The following SEPTIN4 variants were observed in gnomAD, a reference collection of about 807,000 sequenced individuals.
The protein encoded by SEPTIN4 is septin 4, also known as septin-4.
In SEPTIN4, 52 loss-of-function variants were observed where a neutral mutation model predicts 107.1. The observed-to-expected ratio is 0.49, with a 90% confidence interval of 0.39 to 0.61. The LOEUF is 0.61. SEPTIN4 is among the 20% of genes least tolerant of loss of function. The pLI is 0.00. For missense variants in SEPTIN4, 1,048 were observed against 1,243.5 expected (o/e 0.84, Z 2.36); for synonymous variants, 417 against 467.0 (o/e 0.89, Z 1.38).
rs1349169532 is a variant in SEPTIN4 at position 58,542,635 on chromosome 17, A to C, written c.1552T>G (p.Phe518Val). ...CTGCTTCTTCACATACCCAGGAAGAAAGCAGTAAACCTTTGAATGGGTTGT... is the reference window on the plus strand; with the variant it reads ...CTGCTTCTTCACATACCCAGGAAGACAGCAGTAAACCTTTGAATGGGTTGT... ...CKQPIQRFTA[F>V]FLDVSEEMYN... The change falls in exon 1 of 14, where the codon TTC (phenylalanine) becomes GTC (valine). Residue 518 changes from phenylalanine (F) to valine (V), a missense_variant. Phe to Val is a conservative substitution (Grantham distance 50, BLOSUM62 -1). Coordinates refer to ENST00000672673, the MANE Select transcript of SEPTIN4 (RefSeq NM_001368771.2). 4 of 1,610,068 alleles carry C rather than the reference A, an allele frequency of 2.5e-6. No individual in the cohort carries two copies. The East Asian group carries it at 8.9e-5, about 36-fold the overall frequency.
chr17:58,537,951 G>A (rs1000191272), intron 3 of SEPTIN4, among the ~76,000 whole-genome samples: 9 of 151,848 alleles, frequency 5.9e-5, no homozygotes, highest in South Asian at 4.1e-4. Context: ...GAGAAATGCC[G>A]GGTGCAGTGG....
intron 7 of SEPTIN4, 173 bp downstream of exon 7, chr17:58,524,905 T>C (rs2042679404): frequency 1.3e-6 from 1 of 763,280 alleles, no homozygotes; most frequent in Non-Finnish European, 2.2e-6. Flanking sequence ...ATTCCAATCC[T>C]TTCCCTCTTA....
At chr17:58,531,827 G>T in intron 3 of SEPTIN4, 1 of 849,368 alleles carries the variant, frequency 1.2e-6, no homozygotes, top group Non-Finnish European at 1.5e-6. Flanking sequence ...CTGTGCCCGG[G>T]GCCGGCGACG....
At chr17:58,534,468 C>A (rs1371005715) in intron 3 of SEPTIN4, among the ~76,000 whole-genome samples, 1 of 152,242 alleles carries the variant, frequency 6.6e-6, no homozygotes, top group Non-Finnish European at 1.5e-5. Context: ...GGGTCTAATA[C>A]CTGCAGGGCC....
intron 3 of SEPTIN4, among the ~76,000 whole-genome samples, chr17:58,535,743 C>G (rs4793953): frequency 0.85 from 129,778 of 152,250 alleles, 55,713 homozygotes; most frequent in East Asian, 1. Flanking sequence ...AGGGCAGGGA[C>G]TATGTCTTTT....
intron 3 of SEPTIN4, among the ~76,000 whole-genome samples, chr17:58,535,554 A>G (rs1279950842): frequency 6.6e-6 from 1 of 152,174 alleles, no homozygotes; most frequent in Non-Finnish European, 1.5e-5. Context: ...CAAGTTACCA[A>G]AGTCTTCACT....
chr17:58,527,307 CT>C (rs775554521), intron 3 of SEPTIN4: 6 of 489,156 alleles, frequency 1.2e-5, no homozygotes, highest in Non-Finnish European at 2.3e-5. Context: ...TTGAGGCTGC[CT>C]TTCCTGGGGT....
intron 2 of SEPTIN4, among the ~76,000 whole-genome samples, chr17:58,541,137 G>C (rs2043865999): frequency 6.6e-6 from 1 of 152,182 alleles, no homozygotes; most frequent in African/African-American, 2.4e-5. Context: ...ACCATCACTA[G>C]GAGGGTTCAT....
At chr17:58,524,845 C>A in intron 7 of SEPTIN4, 1 of 510,770 alleles carries the variant, frequency 2.0e-6, no homozygotes, top group African/African-American at 1.9e-5. Context: ...ATGTCCCTAC[C>A]CCATTATAGA....
Position 58,525,190 on chromosome 17 carries a change from G to T in SEPTIN4, c.2104C>A (p.Gln702Lys), listed in dbSNP as rs759476819. ...KLLGAEERIM[Q>K]TVEITKHAVD... Reference sequence around the variant, plus strand: ...GCATGCTTAGTGATCTCCACAGTTTGCATGATCCTCTCTGGAGAAAGGGGA... The same window carrying T: ...GCATGCTTAGTGATCTCCACAGTTTTCATGATCCTCTCTGGAGAAAGGGGA... The change falls in exon 7 of 14, where the codon CAA becomes AAA. Residue 702 changes from glutamine (Q) to lysine (K), a missense_variant. Physicochemically the swap from Gln to Lys is moderately conservative, Grantham distance 53. Coordinates refer to ENST00000672673, the MANE Select transcript of SEPTIN4 (RefSeq NM_001368771.2). The T allele has an allele frequency of 7.4e-6, 12 of 1,613,952 alleles. No homozygotes were observed. Among genetic ancestry groups the T allele is most frequent in the Non-Finnish European group, 8.5e-6 (10 of 1,179,996 alleles).
intron 3 of SEPTIN4, chr17:58,529,890 A>G (rs1213993830): frequency 6.6e-6 from 1 of 151,462 alleles, no homozygotes; most frequent in African/African-American, 2.4e-5. Context: ...CACAGAGAAG[A>G]CTTTGCTCCA....
At chr17:58,533,253 G>A (rs2043587048) in intron 3 of SEPTIN4, among the ~76,000 whole-genome samples, 1 of 152,186 alleles carries the variant, frequency 6.6e-6, no homozygotes, top group African/African-American at 2.4e-5. Flanking sequence ...TTTGGCACTG[G>A]TGGACTGGAA....
chr17:58,521,995 G>T lies in SEPTIN4; in HGVS notation c.2323C>A (p.Leu775Met), dbSNP rs1465915989. 2 of 1,614,244 alleles carry T rather than the reference G, an allele frequency of 1.2e-6. No homozygotes were observed. The highest frequency in any genetic ancestry group is 1.7e-5 in the Admixed American group (1 of 60,036). The change falls in exon 8 of 14, where the codon CTG becomes ATG. Residue 775 changes from leucine to methionine, a missense_variant. Transcript: ENST00000672673. The surrounding 1 kb of genome is among the most constrained non-coding windows in gnomAD (Gnocchi z 6.4). ...NIQDNRVHCC[L>M]YFISPFGHGL... is the part of the protein sequence containing the mutation. ...TGGCCGAAGGGTGAGATGAAGTACAGGCAGCAGTGCACCCTGTTGTCTTGG... is the reference window on the plus strand; with the variant it reads ...TGGCCGAAGGGTGAGATGAAGTACATGCAGCAGTGCACCCTGTTGTCTTGG...
intron 7 of SEPTIN4, 91 bp downstream of exon 7, chr17:58,524,986 GA>G: frequency 6.4e-7 from 1 of 1,553,218 alleles, no homozygotes. Context: ...GCTTCCTCCT[GA>G]TAAGTATGGA....
intron 3 of SEPTIN4, chr17:58,527,532 G>T (rs1306813441): frequency 4.2e-6 from 1 of 235,916 alleles, no homozygotes; most frequent in East Asian, 1.1e-4. Flanking sequence ...TGAGCTGGGG[G>T]ACTGGGGTAC....
chr17:58,527,218 G>A, intron 3 of SEPTIN4: 1 of 773,428 alleles, frequency 1.3e-6, no homozygotes, highest in Non-Finnish European at 2.3e-6. Flanking sequence ...GAAGAGCCCT[G>A]GGCACCCCCA....
chr17:58,543,500 G>A lies in SEPTIN4; in HGVS notation c.687C>T (p.Ser229=). ...TCTGATAGTCTGCAGAGACACAGCT[G>A]CTTCCGTGCTCTAGGAGAGAGGGAC... ...PRSPSLLEHG[S]SCVSADYQTA... Residue 229 remains serine, a synonymous_variant, in exon 1 of 14, where the codon AGC becomes AGT. Transcript: ENST00000672673. 6.2e-7 allele frequency: 1 copy of A among 1,614,206 alleles called. No homozygotes were observed. Among genetic ancestry groups the A allele is most frequent in the South Asian group, 1.1e-5 (1 of 91,086 alleles).
intron 4 of SEPTIN4, 183 bp from the exon 5 acceptor site, chr17:58,526,496 C>T: frequency 2.2e-6 from 3 of 1,391,322 alleles, no homozygotes; most frequent in East Asian, 2.8e-5. Context: ...TGCAAATTTC[C>T]AGTGCCCTTG....
In SEPTIN4 at chr17:58,538,005, G is replaced by A. The variant is rs2043775542; in HGVS notation, c.1614+2661C>T. 6.6e-6 allele frequency among the ~76,000 whole-genome samples: 1 copy of A among 152,048 alleles called. No individual in the cohort carries two copies. The highest frequency in any genetic ancestry group is 6.5e-5 in the Admixed American group (1 of 15,270). ...ACTACTCAGGAGGCTGAGGCAGAAGGATCACTTGAGCCCAGGAATTCGAGA... is the reference window on the plus strand; with the variant it reads ...ACTACTCAGGAGGCTGAGGCAGAAGAATCACTTGAGCCCAGGAATTCGAGA... On this transcript the variant is annotated intron_variant, in intron 3 of 13. Transcript: ENST00000672673. The surrounding 1 kb of genome is among the most constrained non-coding windows in gnomAD (Gnocchi z 4.7).
Sources: gnomAD v4.1 joint callset for allele counts (sites outside exome capture counted in the v4.1 genomes callset) on GRCh38, gnomAD v4.1.1 for gene constraint, Gnocchi (gnomAD v3.1) non-coding constraint, MANE v1.5 for transcripts, NCBI Gene and HGNC (gene_info 2026-07-23, HGNC 2026-07-21) for gene names.